PWWP3B: variants seen among roughly 807,000 people sequenced by gnomAD.
PWWP3B encodes PWWP domain-containing DNA repair factor 3B.
PWWP3B carries 5 observed loss-of-function variants against 15.7 expected under a neutral mutation model. The ratio of observed to expected loss-of-function variants is 0.32; its 90% CI spans 0.17 to 0.67. The LOEUF is 0.67. PWWP3B is among the 30% of genes least tolerant of loss of function. The probability of loss-of-function intolerance (pLI) is 0.74; values close to 1 mark genes in which losing one functional copy is unlikely to be tolerated. For synonymous variants in PWWP3B, 203 were observed against 179.8 expected (o/e 1.13, Z -1.03); for missense variants, 519 against 493.1 (o/e 1.05, Z -0.50).
intron 2 of PWWP3B, among the ~76,000 whole-genome samples, chrX:106,179,278 C>T (rs754991441): frequency 4.5e-5 from 5 of 111,952 alleles, no homozygotes; most frequent in Non-Finnish European, 7.5e-5. Flanking sequence ...CATAGTCTGC[C>T]CCATAGTAGA....
chrX:106,192,389 C>T (rs1410468761), intron 2 of PWWP3B, among the ~76,000 whole-genome samples: 1 of 111,138 alleles, frequency 9.0e-6, no homozygotes. Flanking sequence ...GTGGTGATAT[C>T]CCCTTTATCA....
chrX:106,170,697 A>G (rs894373581), intron 1 of PWWP3B, among the ~76,000 whole-genome samples: 1 of 112,028 alleles, frequency 8.9e-6, no homozygotes, highest in Non-Finnish European at 1.9e-5. Flanking sequence ...ACTGACATGA[A>G]GACTCACACA....
At chrX:106,169,597 T>C (rs925345071) in intron 1 of PWWP3B, among the ~76,000 whole-genome samples, 1 of 111,957 alleles carries the variant, frequency 8.9e-6, no homozygotes. Flanking sequence ...GTGCTTTTCT[T>C]GCAATTCAAC....
At chrX:106,205,142 G>C (rs1229190004) in intron 3 of PWWP3B, 77 bp from the exon 4 acceptor site, 3 of 222,740 alleles carry the variant, frequency 1.3e-5, no homozygotes, top group Non-Finnish European at 2.4e-5. Flanking sequence ...TTCTCCATTT[G>C]TAATTGCTCA....
chrX:106,199,438 A>G (rs1241476734), intron 2 of PWWP3B, among the ~76,000 whole-genome samples: 1 of 111,776 alleles, frequency 8.9e-6, no homozygotes, highest in East Asian at 2.8e-4. Flanking sequence ...CTTTGGTAAG[A>G]TAGAAGTTTA....
intron 2 of PWWP3B, among the ~76,000 whole-genome samples, chrX:106,187,203 A>G: frequency 8.9e-6 from 1 of 112,250 alleles, no homozygotes. Context: ...TGTTTATGCC[A>G]GGAAGAACTC....
chrX:106,203,986 A>G lies in PWWP3B; in HGVS notation c.-399A>G, dbSNP rs767810780. 8.9e-6 allele frequency: 1 copy of G among 111,926 alleles called. No individual in the cohort carries two copies. Among genetic ancestry groups the G allele is most frequent in the Non-Finnish European group, 1.9e-5 (1 of 53,269 alleles). The allele number at this position is 111,926 out of a possible 1,213,427, so 9.2% of individuals were successfully genotyped here. ...ATTCCCTGCCTTCCTTTTGAACAGCATAGGTTAATATCAGAGAAGCACATG... is the reference window on the plus strand; with the variant it reads ...ATTCCCTGCCTTCCTTTTGAACAGCGTAGGTTAATATCAGAGAAGCACATG... On this transcript the variant is annotated splice_region_variant and 5_prime_UTR_variant, in exon 3 of 4. Coordinates refer to ENST00000357175, the MANE Select transcript of PWWP3B (RefSeq NM_001171020.2).
intron 2 of PWWP3B, among the ~76,000 whole-genome samples, chrX:106,186,878 T>G (rs2147604757): frequency 8.9e-6 from 1 of 111,999 alleles, no homozygotes. Flanking sequence ...TTGGTGCATT[T>G]ACAATATTTT....
At chrX:106,180,261 C>A (rs1020175925) in intron 2 of PWWP3B, among the ~76,000 whole-genome samples, 1 of 111,562 alleles carries the variant, frequency 9.0e-6, no homozygotes, top group Admixed American at 9.5e-5. Context: ...TCTCTCACCA[C>A]CCTCTCATAC....
In PWWP3B at chrX:106,206,916, C is replaced by A; in HGVS notation, c.1484C>A (p.Ala495Asp). The A allele has an allele frequency of 8.3e-7, 1 of 1,210,947 alleles. No individual in the cohort carries two copies. Among genetic ancestry groups the A allele is most frequent in the East Asian group, 3.0e-5 (1 of 33,830 alleles). Residue 495 changes from alanine to aspartate, a missense_variant, in exon 4 of 4, where the codon GCT becomes GAT. Transcript: ENST00000357175. The stretch of plus-strand genomic sequence containing the variant: ...GGCTCTTTGCTTGAGTATTATGCTG[C>A]TGATATTAGTTACCCAGTTAGGAAA... ...FTGSLLEYYA[A>D]DISYPVRKET...
intron 2 of PWWP3B, among the ~76,000 whole-genome samples, chrX:106,192,655 T>A (rs2147617833): frequency 8.9e-6 from 1 of 111,934 alleles, no homozygotes; most frequent in South Asian, 3.8e-4. Flanking sequence ...TTTAGATCTT[T>A]CCTGCTTTCT....
At chrX:106,184,660 T>A (rs1922398900) in intron 2 of PWWP3B, among the ~76,000 whole-genome samples, 1 of 112,204 alleles carries the variant, frequency 8.9e-6, no homozygotes, top group Non-Finnish European at 1.9e-5. Flanking sequence ...CAGGGTTTGA[T>A]CTAACAATAG....
chrX:106,201,055 A>T (rs1266837259), intron 2 of PWWP3B, among the ~76,000 whole-genome samples: 2 of 109,360 alleles, frequency 1.8e-5, no homozygotes, highest in African/African-American at 3.4e-5. Flanking sequence ...CTCAAAAAAA[A>T]AAATAAAATA....
At position 106,186,018 on chromosome X, in the gene PWWP3B, T is replaced by C. The variant is rs181575224; in HGVS notation, c.-401+14879T>C. On this transcript the variant is annotated intron_variant, in intron 2 of 3. Transcript: ENST00000357175. ...AAGAAGGGAACAGAGTCCTGAGGTT[T>C]ATACTAGAAATTATTCTTATAGGAG... Among the ~76,000 whole-genome samples the C allele has an allele frequency of 3.5e-3, 392 of 111,541 alleles. 3 individuals are homozygous for C. The highest frequency in any genetic ancestry group is 0.012 in the African/African-American group (376 of 30,692).
rs775593544 is a variant in PWWP3B at position 106,194,096 on chromosome X, AGAT to A, written c.-400-9888_-400-9886del. Among the ~76,000 whole-genome samples the A allele has an allele frequency of 2.7e-5, 3 of 111,527 alleles. No individual in the cohort carries two copies. In the East Asian group the frequency reaches 8.5e-4, roughly 32 times the overall value. On this transcript the variant is annotated intron_variant, in intron 2 of 3. Coordinates refer to ENST00000357175, the MANE Select transcript of PWWP3B (RefSeq NM_001171020.2). Reference sequence around the variant, plus strand: ...AATTTGAATGTTGGCCTGCCTTGCTAGATTGGGGAAGTTCTCCTGGATAATATC... The same window carrying A: ...AATTTGAATGTTGGCCTGCCTTGCTATGGGGAAGTTCTCCTGGATAATATC...
intron 2 of PWWP3B, among the ~76,000 whole-genome samples, chrX:106,194,062 T>C (rs1273558563): frequency 1.8e-5 from 2 of 111,388 alleles, no homozygotes; most frequent in East Asian, 5.6e-4. Flanking sequence ...GCATTCTCTG[T>C]ATTTCCTGAA....
intron 2 of PWWP3B, among the ~76,000 whole-genome samples, chrX:106,188,606 C>T (rs191641128): frequency 1.2e-3 from 138 of 112,150 alleles, no homozygotes; most frequent in African/African-American, 4.2e-3. Flanking sequence ...ATGTAACTAC[C>T]AATACAGAAA....
At chrX:106,196,849 G>A (rs773711243) in intron 2 of PWWP3B, among the ~76,000 whole-genome samples, 81 of 111,784 alleles carry the variant, frequency 7.2e-4, no homozygotes, top group South Asian at 4.5e-3. Flanking sequence ...ATTGTCATCT[G>A]GCTTGCATAA....
chrX:106,203,463 TCA>T (rs1037822439), intron 2 of PWWP3B, among the ~76,000 whole-genome samples: 2 of 111,841 alleles, frequency 1.8e-5, no homozygotes, highest in Non-Finnish European at 3.8e-5. Context: ...GAAGTCCCCT[TCA>T]ACTCATGAGC....
Sources: gnomAD v4.1 joint callset for allele counts (sites outside exome capture counted in the v4.1 genomes callset) on GRCh38, gnomAD v4.1.1 for gene constraint, MANE v1.5 for transcripts, NCBI Gene and HGNC (gene_info 2026-07-23, HGNC 2026-07-21) for gene names.